RBM28: variants seen among roughly 807,000 people sequenced by gnomAD.
The protein encoded by RBM28 is RNA-binding protein 28.
RBM28 carries 78 observed loss-of-function variants against 98.3 expected under a neutral mutation model. The ratio of observed to expected loss-of-function variants is 0.79; its 90% CI spans 0.66 to 0.96. The LOEUF (loss-of-function observed/expected upper bound fraction) is 0.96. Ranked by LOEUF, RBM28 falls within the 40% of genes least tolerant of loss-of-function variation. RBM28 has a pLI of 0.00. For missense variants in RBM28, 838 were observed against 913.0 expected (o/e 0.92, Z 1.06); for synonymous variants, 306 against 330.9 (o/e 0.92, Z 0.82).
rs1482683817 is a variant in RBM28 at position 128,307,968 on chromosome 7, T to C, written c.*2829A>G. ...CACCTGTTGTTTTTTAACCAAGCAATCTGCAACTCAACTTTCATGTTAATT... is the reference window on the plus strand; with the variant it reads ...CACCTGTTGTTTTTTAACCAAGCAACCTGCAACTCAACTTTCATGTTAATT... On this transcript the variant is annotated 3_prime_UTR_variant, in exon 19 of 19. Transcript: ENST00000223073. 1 of 152,172 alleles carries C rather than the reference T, an allele frequency of 6.6e-6. No homozygotes were observed. The highest frequency in any genetic ancestry group is 2.4e-5 in the African/African-American group (1 of 41,460). 9.4% of individuals were successfully genotyped at this position (152,172 alleles called of 1,614,324 possible).
intron 10 of RBM28, among the ~76,000 whole-genome samples, chr7:128,327,107 G>T (rs1205085659): frequency 6.6e-6 from 1 of 151,848 alleles, no homozygotes; most frequent in Non-Finnish European, 1.5e-5. Context: ...ACTACAGCCA[G>T]GGTGACAGAG....
chr7:128,336,631 T>C (rs957365061), intron 6 of RBM28, among the ~76,000 whole-genome samples: 1 of 152,328 alleles, frequency 6.6e-6, no homozygotes, highest in East Asian at 1.9e-4. Context: ...AATGGTACAA[T>C]ATGAATTGAC....
intron 18 of RBM28, among the ~76,000 whole-genome samples, chr7:128,311,179 G>A (rs1173360111): frequency 6.6e-6 from 1 of 152,140 alleles, no homozygotes; most frequent in Non-Finnish European, 1.5e-5. Flanking sequence ...TGGGGACTCA[G>A]GGGCCTCTCT....
intron 4 of RBM28, 124 bp downstream of exon 4, chr7:128,338,602 C>T: frequency 2.5e-6 from 2 of 808,812 alleles, no homozygotes; most frequent in Middle Eastern, 4.9e-4. Context: ...GGGAATAAAA[C>T]CATTATTTGG....
Position 128,317,703 on chromosome 7 carries a change from G to C in RBM28, c.1744C>G (p.Arg582Gly), listed in dbSNP as rs770885287. 2 of 1,608,254 alleles carry C rather than the reference G, an allele frequency of 1.2e-6. No homozygotes were observed. The highest frequency in any genetic ancestry group is 1.1e-5 in the South Asian group (1 of 90,970). The change falls in exon 16 of 19, where the codon CGA becomes GGA. Residue 582 changes from arginine to glycine, a missense_variant. Physicochemically the swap from Arg to Gly is moderately radical, Grantham distance 125 (BLOSUM62 -2). Coordinates refer to ENST00000223073, the MANE Select transcript of RBM28 (RefSeq NM_018077.3). ...AATTCCTTCATTTTAAGTTTTCTTC[G>C]ATCTTCTAAAGAGAACTCCACTATT... is the stretch of plus-strand genomic sequence containing the variant. Reference protein sequence around the residue: ...RPIVEFSLEDRRKLKMKELRI... With the variant: ...RPIVEFSLEDGRKLKMKELRI...
chr7:128,331,214 G>A (rs966344532), intron 9 of RBM28, among the ~76,000 whole-genome samples: 2 of 151,994 alleles, frequency 1.3e-5, no homozygotes, highest in Non-Finnish European at 2.9e-5. Flanking sequence ...AAACTTCTGG[G>A]GTGCTGGAAA....
Position 128,301,180 on chromosome 7 carries a change from A to C in RBM28, c.*9617T>G, listed in dbSNP as rs1008366603. On this transcript the variant is annotated 3_prime_UTR_variant, in exon 19 of 19. Transcript: ENST00000223073. ...CCTTTCCTGTGAATTCACTCAGGAC[A>C]CTGGGGACAAAAGACATCACAGACC... The C allele has an allele frequency of 1.3e-5, 2 of 152,262 alleles. No individual in the cohort carries two copies. The highest frequency in any genetic ancestry group is 4.8e-5 in the African/African-American group (2 of 41,468). 9.4% of individuals were successfully genotyped at this position (152,262 alleles called of 1,614,324 possible).
chr7:128,315,048 G>T (rs753061029), intron 16 of RBM28, 28 bp from the exon 17 acceptor site: 5 of 1,614,010 alleles, frequency 3.1e-6, no homozygotes, highest in Non-Finnish European at 4.2e-6. Context: ...ATGCCATCTG[G>T]TTTCTGGATG....
chr7:128,307,313 G>A lies in RBM28; in HGVS notation c.*3484C>T, dbSNP rs1795886045. The A allele has an allele frequency of 6.6e-6, 1 of 152,212 alleles. No homozygotes were observed. Among genetic ancestry groups the A allele is most frequent in the Non-Finnish European group, 1.5e-5 (1 of 68,052 alleles). 9.4% of individuals were successfully genotyped at this position (152,212 alleles called of 1,614,324 possible). On this transcript the variant is annotated 3_prime_UTR_variant, in exon 19 of 19. Coordinates refer to ENST00000223073, the MANE Select transcript of RBM28 (RefSeq NM_018077.3). ...ACTGGCTGTGTGCGTCAGCAGGGGA[G>A]CTTAAGACTGCAGATTCTGGGGAAT...
At chr7:128,335,451 T>C in intron 8 of RBM28, 92 bp downstream of exon 8, 1 of 1,504,170 alleles carries the variant, frequency 6.6e-7, no homozygotes, top group Non-Finnish European at 9.2e-7. Context: ...AGAGTCCTAT[T>C]TAAAAAGAGA....
chr7:128,333,301 A>C lies in RBM28; in HGVS notation c.1008T>G (p.Thr336=). The change falls in exon 9 of 19, where the codon ACT becomes ACG. Residue 336 remains threonine, a synonymous_variant. Transcript: ENST00000223073. ...KLPSDVNEGK[T]VFIRNLSFDS... ...GCAGAAAGACATACCTGATAAAAAC[A>C]GTTTTCCCTTCATTCACATCAGAGG... 1.3e-6 allele frequency: 2 copies of C among 1,596,948 alleles called. No individual in the cohort carries two copies. Among genetic ancestry groups the C allele is most frequent in the Non-Finnish European group, 1.7e-6 (2 of 1,164,360 alleles).
At chr7:128,319,873 G>A (rs540894467) in intron 14 of RBM28, among the ~76,000 whole-genome samples, 3 of 152,250 alleles carry the variant, frequency 2.0e-5, no homozygotes, top group Admixed American at 1.3e-4. Flanking sequence ...AGGAATTTGC[G>A]ACCAGCCTGG....
intron 9 of RBM28, among the ~76,000 whole-genome samples, chr7:128,332,573 T>C (rs1210404845): frequency 6.6e-6 from 1 of 152,142 alleles, no homozygotes; most frequent in African/African-American, 2.4e-5. Flanking sequence ...CAGGCTGGTC[T>C]CGAATTGCCC....
In RBM28 at chr7:128,313,203, T is replaced by C; in HGVS notation, c.2117A>G (p.Gln706Arg). The change falls in exon 18 of 19, where the codon CAG (glutamine) becomes CGG (arginine). Residue 706 changes from glutamine (Q) to arginine (R), a missense_variant. Transcript: ENST00000223073. The stretch of plus-strand genomic sequence containing the variant: ...CTCGGACGATAATTGCTGCTTCTCC[T>C]GCTTCCACTGGTTTATCTGTGGCTT... ...KPKPQINQWKQEKQQLSSEQV... is the reference protein window; with the variant it reads ...KPKPQINQWKREKQQLSSEQV... The C allele has an allele frequency of 1.9e-6, 3 of 1,614,218 alleles. No individual in the cohort carries two copies. Among genetic ancestry groups the C allele is most frequent in the East Asian group, 2.2e-5 (1 of 44,886 alleles).
chr7:128,338,302 G>T lies in RBM28; in HGVS notation c.489C>A (p.Asn163Lys). Reference protein sequence around the residue: ...MRGFGFVQFKNLLEAGKALKG... With the variant: ...MRGFGFVQFKKLLEAGKALKG... ...TGAGAGCTTTACCTGCTTCTAGGAG[G>T]TTTTTGAACTGAACAAAACCAAAAC... Residue 163 changes from asparagine to lysine, a missense_variant, in exon 5 of 19, where the codon AAC becomes AAA. Coordinates refer to ENST00000223073, the MANE Select transcript of RBM28 (RefSeq NM_018077.3). The T allele has an allele frequency of 6.2e-7, 1 of 1,614,168 alleles. No homozygotes were observed.
At chr7:128,336,976 G>A (rs936402195) in intron 6 of RBM28, among the ~76,000 whole-genome samples, 155 bp downstream of exon 6, 2 of 152,058 alleles carry the variant, frequency 1.3e-5, no homozygotes, top group African/African-American at 4.8e-5. Flanking sequence ...TCAAACTCCT[G>A]ACTGCAAGCA....
chr7:128,301,658 G>A lies in RBM28; in HGVS notation c.*9139C>T, dbSNP rs1054925308. 3.3e-5 allele frequency: 5 copies of A among 152,424 alleles called. No individual in the cohort carries two copies. Among genetic ancestry groups the A allele is most frequent in the Non-Finnish European group, 7.3e-5 (5 of 68,190 alleles). The allele number at this position is 152,424 out of a possible 1,614,324, so 9.4% of individuals were successfully genotyped here. ...TCATTAAGACCCAGCTATTGCCTAA[G>A]GGTCACTGAGGGCCTCAAACCCCAG... On this transcript the variant is annotated 3_prime_UTR_variant, in exon 19 of 19. Transcript: ENST00000223073.
At chr7:128,320,232 AAAAG>A (rs59309163) in intron 14 of RBM28, among the ~76,000 whole-genome samples, 38,492 of 63,684 alleles carry the variant, frequency 0.6, 10,180 homozygotes, top group South Asian at 0.73. Context: ...AAAAAAAAAA[AAAAG>A]AAAGAAAGAA....
At chr7:128,334,288 T>C (rs753139335) in intron 8 of RBM28, among the ~76,000 whole-genome samples, 1 of 152,228 alleles carries the variant, frequency 6.6e-6, no homozygotes, top group Non-Finnish European at 1.5e-5. Context: ...ACTTCTACTT[T>C]GTGTATTACA....
Sources: allele counts gnomAD v4.1 joint callset (sites outside exome capture counted in the v4.1 genomes callset), GRCh38; gene constraint gnomAD v4.1.1; transcripts MANE v1.5; gene names NCBI Gene and HGNC (gene_info 2026-07-23, HGNC 2026-07-21).